The following IFTAP variants were observed in gnomAD, a reference collection of about 807,000 sequenced individuals.
IFTAP encodes the protein intraflagellar transport-associated protein.
A neutral mutation model predicts 19.4 loss-of-function variants in IFTAP; 19 were observed. The observed-to-expected ratio is 0.98, with a 90% CI of 0.68 to 1.44. The LOEUF is 1.44. Ranked by LOEUF, IFTAP falls within the 40% of genes most tolerant of loss-of-function variation. IFTAP has a pLI of 0.00. For missense variants in IFTAP, 240 were observed against 253.6 expected, an observed-to-expected ratio of 0.95 and a Z score of 0.36; for synonymous variants, 85 against 83.5, an observed-to-expected ratio of 1.02 and a Z score of -0.10.
chr11:36,634,380 A>T (rs886480932), intron 3 of IFTAP, among the ~76,000 whole-genome samples: 3 of 152,128 alleles, frequency 2.0e-5, no homozygotes, highest in Non-Finnish European at 2.9e-5. Flanking sequence ...GAGATTAAGT[A>T]GTCTATTATA....
At chr11:36,603,629 A>G (rs1310820464) in intron 1 of IFTAP, among the ~76,000 whole-genome samples, 3 of 152,168 alleles carry the variant, frequency 2.0e-5, no homozygotes, top group Non-Finnish European at 2.9e-5. Context: ...TGTATAGAAT[A>G]TGTAAATTAC....
At chr11:36,600,958 G>C (rs1851489310) in intron 1 of IFTAP, among the ~76,000 whole-genome samples, 1 of 152,166 alleles carries the variant, frequency 6.6e-6, no homozygotes, top group African/African-American at 2.4e-5. Flanking sequence ...TACATAAATT[G>C]ACAAGGGTAA....
intron 4 of IFTAP, among the ~76,000 whole-genome samples, chr11:36,642,121 A>C (rs1239131757): frequency 6.6e-6 from 1 of 152,198 alleles, no homozygotes; most frequent in African/African-American, 2.4e-5. Flanking sequence ...AAGACTAATA[A>C]AGAAGAAAAG....
intron 1 of IFTAP, among the ~76,000 whole-genome samples, chr11:36,609,674 T>C (rs906826153): frequency 1.3e-5 from 2 of 152,080 alleles, no homozygotes; most frequent in Non-Finnish European, 2.9e-5. Context: ...AAAAAATTGC[T>C]CAGAACAGCA....
rs538913110 is a variant in IFTAP, at chr11:36,627,236, A to G, written c.137-6048A>G. 1.4e-3 allele frequency among the ~76,000 whole-genome samples: 205 copies of G among 151,172 alleles called. 1 individual carries two copies. The highest frequency in any genetic ancestry group is 2.2e-3 in the Non-Finnish European group (150 of 68,026). The stretch of plus-strand genomic sequence containing the variant: ...TCCAGGCACCTTTTTGGGGTGATGG[A>G]ATGACCTAAAAATGGAATCGTGGTG... On this transcript the variant is annotated intron_variant, in intron 2 of 5. Transcript: ENST00000334307.
intron 4 of IFTAP, among the ~76,000 whole-genome samples, chr11:36,641,796 C>T (rs927023530): frequency 6.6e-6 from 1 of 151,970 alleles, no homozygotes. Context: ...AGGTCCGCTT[C>T]GTGCAAAGCT....
intron 1 of IFTAP, among the ~76,000 whole-genome samples, chr11:36,601,983 C>T (rs549129351): frequency 6.6e-6 from 1 of 152,162 alleles, no homozygotes; most frequent in African/African-American, 2.4e-5. Flanking sequence ...AGTATAGAAA[C>T]CATATTGGCA....
At chr11:36,626,371 C>T (rs1306761946) in intron 2 of IFTAP, among the ~76,000 whole-genome samples, 1 of 151,164 alleles carries the variant, frequency 6.6e-6, no homozygotes, top group Non-Finnish European at 1.5e-5. Context: ...TTTTAAGGGA[C>T]TAGATTATAT....
At chr11:36,616,663 G>A (rs537600764) in intron 2 of IFTAP, among the ~76,000 whole-genome samples, 2 of 151,838 alleles carry the variant, frequency 1.3e-5, no homozygotes, top group Non-Finnish European at 2.9e-5. Context: ...TTCACATTGA[G>A]TTATTTAAGG....
chr11:36,610,441 G>A (rs533170894), intron 2 of IFTAP, among the ~76,000 whole-genome samples: 5 of 152,226 alleles, frequency 3.3e-5, no homozygotes, highest in Admixed American at 6.5e-5. Flanking sequence ...TCCAAGAGTT[G>A]TGTGATGGTG....
At chr11:36,656,617 T>C (rs1280359619) in intron 5 of IFTAP, among the ~76,000 whole-genome samples, 1 of 152,120 alleles carries the variant, frequency 6.6e-6, no homozygotes, top group East Asian at 1.9e-4. Context: ...TTCCTCTCTA[T>C]GCTTCTGTTT....
intron 5 of IFTAP, among the ~76,000 whole-genome samples, chr11:36,658,217 A>G (rs547505675): frequency 6.6e-6 from 1 of 152,340 alleles, no homozygotes; most frequent in Admixed American, 6.5e-5. Context: ...TTGTGGAGCT[A>G]CATAGAAGTA....
rs1259783034 is a variant in IFTAP at position 36,614,901 on chromosome 11, T to C, written c.136+4662T>C. On this transcript the variant is annotated intron_variant, in intron 2 of 5. Transcript: ENST00000334307. ...TCACTCTGATGGTAGTTTCTTTAGC[T>C]GTGCAGAAGCTCTTTAGTTTAATTA... 2.7e-5 allele frequency among the ~76,000 whole-genome samples: 4 copies of C among 147,018 alleles called. No individual in the cohort carries two copies. The East Asian group carries it at 5.8e-4, about 21-fold the overall frequency.
At chr11:36,595,811 G>T (rs1429993149) in intron 1 of IFTAP, among the ~76,000 whole-genome samples, 1 of 152,268 alleles carries the variant, frequency 6.6e-6, no homozygotes, top group Non-Finnish European at 1.5e-5. Flanking sequence ...ATACGCACCT[G>T]CCAGTAATGG....
At chr11:36,604,611 T>C (rs1378725146) in intron 1 of IFTAP, among the ~76,000 whole-genome samples, 1 of 152,152 alleles carries the variant, frequency 6.6e-6, no homozygotes, top group Non-Finnish European at 1.5e-5. Flanking sequence ...TATTGGGGTA[T>C]GGAACATAAA....
At position 36,654,514 on chromosome 11, in the gene IFTAP, G is replaced by T. The variant is rs1853890554; in HGVS notation, c.499-4505G>T. ...AATTGTGTTTTCCCCGACTCCTTTG[G>T]GTTTTCTCTCCATCCATCCCTTATG... On this transcript the variant is annotated intron_variant, in intron 5 of 5. Transcript: ENST00000334307. 2.6e-5 allele frequency among the ~76,000 whole-genome samples: 4 copies of T among 151,842 alleles called. No homozygotes were observed. The South Asian group carries it at 8.3e-4, about 32-fold the overall frequency.
chr11:36,610,338 AT>A (rs1851837196), intron 2 of IFTAP, 99 bp downstream of exon 2: 5 of 1,102,878 alleles, frequency 4.5e-6, no homozygotes, highest in Non-Finnish European at 6.4e-6. Flanking sequence ...TTTAGTGAAC[AT>A]TCATTCCATT....
chr11:36,597,969 C>T (rs1372679188), intron 1 of IFTAP: 1 of 152,122 alleles, frequency 6.6e-6, no homozygotes, highest in African/African-American at 2.4e-5. Flanking sequence ...TTCTACTCAT[C>T]CCTTCCCTAT....
intron 4 of IFTAP, among the ~76,000 whole-genome samples, chr11:36,644,126 T>C (rs1387848001): frequency 6.6e-6 from 1 of 152,168 alleles, no homozygotes; most frequent in Non-Finnish European, 1.5e-5. Flanking sequence ...ATCCAGAATC[T>C]ATAAATAACT....
Sources: gnomAD v4.1 joint callset for allele counts (sites outside exome capture counted in the v4.1 genomes callset) on GRCh38, gnomAD v4.1.1 for gene constraint, MANE v1.5 for transcripts, NCBI Gene and HGNC (gene_info 2026-07-23, HGNC 2026-07-21) for gene names.